ROPN1: variants seen among roughly 807,000 people sequenced by gnomAD.
The protein encoded by ROPN1 is rhophilin associated tail protein 1.
ROPN1 carries 14 observed loss-of-function variants against 20.5 expected under a neutral mutation model. The observed-to-expected ratio is 0.68, with a 90% CI of 0.45 to 1.07. The LOEUF is 1.07. ROPN1 is among the 50% of genes least tolerant of loss of function. ROPN1 has a pLI of 0.00. For synonymous variants in ROPN1, 76 were observed against 95.7 expected, an observed-to-expected ratio of 0.79 and a Z score of 1.20; for missense variants, 169 against 242.8, an observed-to-expected ratio of 0.70 and a Z score of 2.02.
At position 123,976,045 on chromosome 3, in the gene ROPN1, T is replaced by C. The variant is rs193241103; in HGVS notation, c.235-505A>G. On this transcript the variant is annotated intron_variant, in intron 3 of 5. Transcript: ENST00000405845. Reference sequence around the variant, plus strand: ...TGATATGGGGTATGTGGCTGACCTGTGGGGATTTGGTCTGGATGCCTAATG... The same window carrying C: ...TGATATGGGGTATGTGGCTGACCTGCGGGGATTTGGTCTGGATGCCTAATG... Among the ~76,000 whole-genome samples the C allele has an allele frequency of 1.3e-3, 200 of 152,296 alleles. 1 individual carries two copies. The East Asian group carries it at 0.02, about 15-fold the overall frequency.
Position 123,980,457 on chromosome 3 carries a change from A to C in ROPN1, c.25T>G (p.Cys9Gly). 6 of 1,614,160 alleles carry C rather than the reference A, an allele frequency of 3.7e-6. No individual in the cohort carries two copies. Among genetic ancestry groups the C allele is most frequent in the Non-Finnish European group, 5.1e-6 (6 of 1,180,022 alleles). ...ATCTTCGGCAGCTCCGGCGGGATGC[A>C]TGTTGGCTTATCTGTCTGAGCCATT... MAQTDKPTCIPPELPKMLK... is the reference protein window; with the variant it reads MAQTDKPTGIPPELPKMLK... The change falls in exon 2 of 6, where the codon TGC becomes GGC. Residue 9 changes from cysteine (C) to glycine (G), a missense_variant. Cys to Gly is a radical substitution (Grantham distance 159). Coordinates refer to ENST00000405845, the MANE Select transcript of ROPN1 (RefSeq NM_001317774.2).
intron 5 of ROPN1, among the ~76,000 whole-genome samples, chr3:123,969,707 G>C (rs1365935982): frequency 6.6e-6 from 1 of 152,094 alleles, no homozygotes; most frequent in Non-Finnish European, 1.5e-5. Context: ...TACTAGGGGG[G>C]CTTATAAATA....
intron 2 of ROPN1, chr3:123,979,215 AG>A (rs2148995229): frequency 3.1e-6 from 1 of 323,928 alleles, no homozygotes; most frequent in Admixed American, 4.4e-5. Flanking sequence ...AATCCAGTCC[AG>A]GAGCACAGCA....
chr3:123,990,239 GA>G (rs545098095), intron 1 of ROPN1, among the ~76,000 whole-genome samples: 1 of 151,856 alleles, frequency 6.6e-6, no homozygotes, highest in Non-Finnish European at 1.5e-5. Context: ...AAGTATTTAG[GA>G]GATAGGATCT....
At chr3:123,990,390 G>A (rs1451442188) in intron 1 of ROPN1, among the ~76,000 whole-genome samples, 1 of 152,010 alleles carries the variant, frequency 6.6e-6, no homozygotes, top group Non-Finnish European at 1.5e-5. Context: ...AAGCTTGGAT[G>A]ACTGGGTGCA....
intron 5 of ROPN1, 111 bp from the exon 6 acceptor site, chr3:123,969,332 C>T: frequency 2.1e-6 from 2 of 969,242 alleles, no homozygotes; most frequent in Non-Finnish European, 1.6e-6. Context: ...TCCTTTTTCT[C>T]TTTTTTTGTT....
intron 1 of ROPN1, among the ~76,000 whole-genome samples, chr3:123,983,852 A>C (rs1448126137): frequency 6.6e-6 from 1 of 152,246 alleles, no homozygotes; most frequent in African/African-American, 2.4e-5. Context: ...AGAATATATT[A>C]GCATTATTTC....
At chr3:123,971,401 A>G (rs968255114) in intron 4 of ROPN1, among the ~76,000 whole-genome samples, 2 of 152,240 alleles carry the variant, frequency 1.3e-5, no homozygotes, top group African/African-American at 2.4e-5. Context: ...TTCAAATTTG[A>G]TTCTTTACAT....
At position 123,969,035 on chromosome 3, in the gene ROPN1, ATTGT is replaced by A. The variant is rs1464528309; in HGVS notation, c.*116_*119del. ...GCACATTTCTGATCTCATATGTTTA[ATTGT>A]TTATTAGTGTGTACCAGTTGTACAA... On this transcript the variant is annotated 3_prime_UTR_variant, in exon 6 of 6. Transcript: ENST00000405845. 7 of 793,210 alleles carry A rather than the reference ATTGT, an allele frequency of 8.8e-6. No individual in the cohort carries two copies. Among genetic ancestry groups the A allele is most frequent in the Admixed American group, 2.1e-5 (1 of 46,582 alleles). 49.1% of individuals were successfully genotyped at this position (793,210 alleles called of 1,614,324 possible).
chr3:123,969,403 T>C (rs2037868877), intron 5 of ROPN1, among the ~76,000 whole-genome samples, 182 bp from the exon 6 acceptor site: 1 of 152,166 alleles, frequency 6.6e-6, no homozygotes, highest in Non-Finnish European at 1.5e-5. Context: ...ACTGGTGCAA[T>C]CTTGGCTCAC....
intron 1 of ROPN1, chr3:123,980,779 G>T: frequency 6.4e-6 from 2 of 311,660 alleles, no homozygotes; most frequent in African/African-American, 2.1e-5. Context: ...CCAAAATAAT[G>T]ATATCACCCC....
intron 4 of ROPN1, among the ~76,000 whole-genome samples, chr3:123,972,821 C>T (rs2037943033): frequency 6.6e-6 from 1 of 152,194 alleles, no homozygotes; most frequent in Admixed American, 6.5e-5. Context: ...AACTAGGATG[C>T]AAGGTCTCCA....
intron 2 of ROPN1, chr3:123,978,868 C>T (rs937952553): frequency 6.5e-6 from 1 of 153,438 alleles, no homozygotes. Flanking sequence ...AATTATAGCA[C>T]GTGATACAAT....
At chr3:123,975,672 AGGTAAAGAT>A (rs1303972373) in intron 3 of ROPN1, 132 bp from the exon 4 acceptor site, 5 of 728,914 alleles carry the variant, frequency 6.9e-6, no homozygotes, top group Non-Finnish European at 1.2e-5. Flanking sequence ...GGTGTTAGGA[AGGTAAAGAT>A]GGCTCTGTGT....
chr3:123,980,620 A>T, intron 1 of ROPN1, 127 bp from the exon 2 acceptor site: 1 of 731,842 alleles, frequency 1.4e-6, no homozygotes, highest in Non-Finnish European at 2.2e-6. Context: ...AGACAAATGC[A>T]TTCTATTATT....
intron 5 of ROPN1, among the ~76,000 whole-genome samples, 195 bp from the exon 6 acceptor site, chr3:123,969,416 C>T (rs1198055268): frequency 1.3e-5 from 2 of 152,172 alleles, no homozygotes; most frequent in Admixed American, 6.5e-5. Context: ...TGGCTCACTG[C>T]AACCTCTGCC....
At chr3:123,973,229 T>C (rs1300818816) in intron 4 of ROPN1, among the ~76,000 whole-genome samples, 1 of 152,198 alleles carries the variant, frequency 6.6e-6, no homozygotes, top group Non-Finnish European at 1.5e-5. Flanking sequence ...TCCAGCATGA[T>C]AGAAATGAAT....
chr3:123,969,533 G>C (rs1428950815), intron 5 of ROPN1, among the ~76,000 whole-genome samples: 1 of 152,148 alleles, frequency 6.6e-6, no homozygotes, highest in Non-Finnish European at 1.5e-5. Context: ...GATTGCCCAG[G>C]CCGGTCTTGA....
intron 1 of ROPN1, among the ~76,000 whole-genome samples, chr3:123,981,832 A>G (rs1047387442): frequency 6.6e-6 from 1 of 152,240 alleles, no homozygotes; most frequent in African/African-American, 2.4e-5. Context: ...GCAAAGTGTT[A>G]GAAAAGTTAT....
Sources: gnomAD v4.1 joint callset for allele counts (sites outside exome capture counted in the v4.1 genomes callset) on GRCh38, gnomAD v4.1.1 for gene constraint, MANE v1.5 for transcripts, NCBI Gene and HGNC (gene_info 2026-07-23, HGNC 2026-07-21) for gene names.